The following MAP2K6 variants were observed in gnomAD, a reference collection of about 807,000 sequenced individuals.
MAP2K6 encodes the protein mitogen-activated protein kinase kinase 6.
Under a neutral mutation model 53.7 loss-of-function variants are expected in MAP2K6, and 16 were observed. That is an observed-to-expected ratio of 0.30 (90% CI 0.20 to 0.45). MAP2K6 has a LOEUF of 0.45. Among genes scored for constraint, MAP2K6 ranks in the 20% least tolerant of loss-of-function variants. The pLI is 1.00. For synonymous variants in MAP2K6, 132 were observed against 143.1 expected (o/e 0.92, Z 0.55); for missense variants, 204 against 411.9 (o/e 0.50, Z 4.37).
chr17:69,520,166 A>G (rs901779394), intron 5 of MAP2K6, 104 bp from the exon 6 acceptor site: 16 of 649,578 alleles, frequency 2.5e-5, no homozygotes, highest in Non-Finnish European at 4.0e-5. Flanking sequence ...AATTCAAGAA[A>G]GAAATAGTTA....
chr17:69,453,390 C>T (rs748232216), intron 1 of MAP2K6, among the ~76,000 whole-genome samples: 1 of 152,114 alleles, frequency 6.6e-6, no homozygotes, highest in Non-Finnish European at 1.5e-5. Flanking sequence ...AGGTGGTGGG[C>T]CAGATTTGGC....
chr17:69,535,179 G>A (rs974592133), intron 10 of MAP2K6, among the ~76,000 whole-genome samples: 7 of 152,106 alleles, frequency 4.6e-5, no homozygotes, highest in African/African-American at 1.7e-4. Flanking sequence ...TGACAATAGC[G>A]CATGACCATA....
At chr17:69,502,168 C>A in intron 1 of MAP2K6, 3 of 985,502 alleles carry the variant, frequency 3.0e-6, no homozygotes, top group Non-Finnish European at 3.6e-6. Context: ...AGACCCACTT[C>A]CCTTCTCCCT....
At chr17:69,509,169 T>C (rs1909681954) in intron 2 of MAP2K6, among the ~76,000 whole-genome samples, 1 of 152,262 alleles carries the variant, frequency 6.6e-6, no homozygotes, top group South Asian at 2.1e-4. Context: ...TTAGTAGGAA[T>C]TGTGTTTAAG....
intron 1 of MAP2K6, among the ~76,000 whole-genome samples, chr17:69,416,006 G>A (rs906849162): frequency 2.0e-5 from 3 of 152,122 alleles, no homozygotes; most frequent in Admixed American, 1.3e-4. Context: ...GCTGTCAGGT[G>A]CCCCTGGGAC....
chr17:69,414,918 C>G lies in MAP2K6; in HGVS notation c.-67C>G, dbSNP rs1905850673. On this transcript the variant is annotated 5_prime_UTR_variant, in exon 1 of 12. Coordinates refer to ENST00000590474, the MANE Select transcript of MAP2K6 (RefSeq NM_002758.4). Reference sequence around the variant, plus strand: ...TGCAGCTTGCATCTTTGTTGCAAAACTAGCTACAGAAGAGAAGCAAGGCAA... The same window carrying G: ...TGCAGCTTGCATCTTTGTTGCAAAAGTAGCTACAGAAGAGAAGCAAGGCAA... 1.4e-6 allele frequency: 2 copies of G among 1,448,422 alleles called. No individual in the cohort carries two copies. The highest frequency in any genetic ancestry group is 9.7e-7 in the Non-Finnish European group (1 of 1,035,794). The allele number at this position is 1,448,422 out of a possible 1,614,324, so 89.7% of individuals were successfully genotyped here.
intron 1 of MAP2K6, among the ~76,000 whole-genome samples, chr17:69,496,254 T>TTGGC (rs1039057580): frequency 1.5e-4 from 22 of 150,126 alleles, no homozygotes; most frequent in African/African-American, 4.9e-4. Context: ...TGTTCTTAGC[T>TTGGC]TGGCTGGCTG....
chr17:69,499,134 T>C (rs1485511966), intron 1 of MAP2K6, among the ~76,000 whole-genome samples: 2 of 152,164 alleles, frequency 1.3e-5, no homozygotes, highest in African/African-American at 4.8e-5. Context: ...GAAGTTCCCA[T>C]AGTCAGTGGG....
chr17:69,504,182 C>T (rs1909328012), intron 1 of MAP2K6, among the ~76,000 whole-genome samples: 1 of 152,134 alleles, frequency 6.6e-6, no homozygotes, highest in Non-Finnish European at 1.5e-5. Context: ...TTTGCAGCTT[C>T]AGGATCTATC....
intron 10 of MAP2K6, among the ~76,000 whole-genome samples, chr17:69,529,951 C>T (rs1402366391): frequency 6.6e-6 from 1 of 152,084 alleles, no homozygotes; most frequent in Non-Finnish European, 1.5e-5. Flanking sequence ...CAAAGATATC[C>T]CCTTCTCTCT....
At chr17:69,458,188 G>C (rs190333419) in intron 1 of MAP2K6, among the ~76,000 whole-genome samples, 2 of 152,022 alleles carry the variant, frequency 1.3e-5, no homozygotes, top group Non-Finnish European at 2.9e-5. Context: ...CAAGTAGCTG[G>C]GGCTACAGGT....
intron 1 of MAP2K6, among the ~76,000 whole-genome samples, chr17:69,497,150 T>A (rs1018577212): frequency 7.2e-5 from 11 of 152,196 alleles, no homozygotes; most frequent in Admixed American, 6.5e-5. Context: ...GGTCTAGTGC[T>A]TAAACTCTGT....
chr17:69,475,191 C>G (rs1459085806), intron 1 of MAP2K6, among the ~76,000 whole-genome samples: 3 of 116,312 alleles, frequency 2.6e-5, no homozygotes, highest in African/African-American at 1.0e-4. Flanking sequence ...TTTTTTGAGA[C>G]GGAGTCTCAC....
chr17:69,422,986 C>T (rs867411395), intron 1 of MAP2K6, among the ~76,000 whole-genome samples: 3 of 152,114 alleles, frequency 2.0e-5, no homozygotes, highest in Admixed American at 6.5e-5. Context: ...TGGGTTCAAG[C>T]GATCCTCCTG....
At chr17:69,444,221 G>T (rs994403749) in intron 1 of MAP2K6, among the ~76,000 whole-genome samples, 1 of 152,112 alleles carries the variant, frequency 6.6e-6, no homozygotes, top group Non-Finnish European at 1.5e-5. Context: ...GTGGTTCACT[G>T]TGTGATATAT....
chr17:69,454,831 A>G (rs1296594869), intron 1 of MAP2K6, among the ~76,000 whole-genome samples: 1 of 152,226 alleles, frequency 6.6e-6, no homozygotes, highest in Non-Finnish European at 1.5e-5. Flanking sequence ...GAAGATATAG[A>G]TATGGGTATA....
In MAP2K6 at chr17:69,520,358, A is replaced by G; in HGVS notation, c.455A>G (p.Glu152Gly). 1 of 1,607,656 alleles carries G rather than the reference A, an allele frequency of 6.2e-7. No individual in the cohort carries two copies. The highest frequency in any genetic ancestry group is 8.5e-7 in the Non-Finnish European group (1 of 1,176,908). The stretch of plus-strand genomic sequence containing the variant: ...ATTGATAAAGGCCAGACAATTCCAG[A>G]GGACATCTTAGGGAAAATAGCAGTT... Reference protein sequence around the residue: ...QVIDKGQTIPEDILGKIAVSI... With the variant: ...QVIDKGQTIPGDILGKIAVSI... Residue 152 changes from glutamate (E) to glycine (G), a missense_variant, in exon 6 of 12, where the codon GAG becomes GGG. Physicochemically the swap from Glu to Gly is moderately conservative, Grantham distance 98. This residue lies in a region of MAP2K6 where 129 missense variants were observed against 247.1 expected (regional missense o/e 0.52). Coordinates refer to ENST00000590474, the MANE Select transcript of MAP2K6 (RefSeq NM_002758.4).
At chr17:69,450,265 T>C (rs1907174765) in intron 1 of MAP2K6, among the ~76,000 whole-genome samples, 1 of 152,142 alleles carries the variant, frequency 6.6e-6, no homozygotes. Context: ...TCTATTCTTA[T>C]TTTAAAGATA....
At chr17:69,487,911 C>G (rs907287719) in intron 1 of MAP2K6, among the ~76,000 whole-genome samples, 1 of 152,074 alleles carries the variant, frequency 6.6e-6, no homozygotes, top group African/African-American at 2.4e-5. Context: ...TTACTGTATG[C>G]AGGAAATATT....
Sources: allele counts gnomAD v4.1 joint callset (sites outside exome capture counted in the v4.1 genomes callset), GRCh38; gene constraint gnomAD v4.1.1; regional missense constraint gnomAD v4.1.1; transcripts MANE v1.5; gene names NCBI Gene and HGNC (gene_info 2026-07-23, HGNC 2026-07-21).